SKIC8: variants seen among roughly 807,000 people sequenced by gnomAD.
The protein encoded by SKIC8 is SKI8 subunit of superkiller complex, also known as superkiller complex protein 8.
At chr15:78,295,731 G>A in the SKIC8 span, 1 of 1,519,918 alleles carries the variant, frequency 6.6e-7, no homozygotes, top group Non-Finnish European at 8.8e-7. Flanking sequence ...CAGCTCTGTG[G>A]AAACAACACC....
chr15:78,298,554 T>C, the SKIC8 span, among the ~76,000 whole-genome samples: 1 of 152,140 alleles, frequency 6.6e-6, no homozygotes, highest in Non-Finnish European at 1.5e-5. Context: ...TTCTATTTTA[T>C]TATTATTGTT....
At chr15:78,283,368 G>A in the SKIC8 span, 1 of 1,320,178 alleles carries the variant, frequency 7.6e-7, no homozygotes, top group Non-Finnish European at 1.1e-6. Context: ...AGCCTAAGAA[G>A]GTAAGGAATG....
chr15:78,292,705 G>A, the SKIC8 span: 2 of 1,614,130 alleles, frequency 1.2e-6, no homozygotes, highest in Non-Finnish European at 1.7e-6. Context: ...TGCAGCAATG[G>A]GCAGGGTGTG....
chr15:78,289,533 G>T, the SKIC8 span: 1 of 1,016,296 alleles, frequency 9.8e-7, no homozygotes, highest in Non-Finnish European at 1.5e-6. Flanking sequence ...ATGCCCATTT[G>T]CCATTTAATG....
chr15:78,290,049 CT>C, the SKIC8 span: 2 of 1,614,100 alleles, frequency 1.2e-6, no homozygotes, highest in Non-Finnish European at 1.7e-6. Flanking sequence ...ACATGAGTTC[CT>C]GTGGCCAGAT....
At chr15:78,293,242 C>G in the SKIC8 span, 1 of 1,614,080 alleles carries the variant, frequency 6.2e-7, no homozygotes, top group Non-Finnish European at 8.5e-7. Context: ...GTTTGTCCCC[C>G]AAGCAACTGA....
chr15:78,292,380 G>T, the SKIC8 span: 1 of 473,342 alleles, frequency 2.1e-6, no homozygotes, highest in Non-Finnish European at 3.8e-6. Flanking sequence ...GCTATTTATA[G>T]CCTTTATTTA....
chr15:78,292,689 G>A, the SKIC8 span: 2 of 1,614,202 alleles, frequency 1.2e-6, no homozygotes, highest in South Asian at 2.2e-5. Flanking sequence ...CATCAAGAGA[G>A]CTGGATGCAG....
the SKIC8 span, chr15:78,290,535 T>C: frequency 1.3e-5 from 2 of 154,280 alleles, no homozygotes; most frequent in African/African-American, 4.8e-5. Flanking sequence ...CTGGGGATTG[T>C]CTCTCTTCTC....
At chr15:78,297,898 G>A in the SKIC8 span, among the ~76,000 whole-genome samples, 25 of 152,304 alleles carry the variant, frequency 1.6e-4, no homozygotes, top group African/African-American at 5.8e-4. Flanking sequence ...CCTTGCCTAT[G>A]AAGATCTCAA....
the SKIC8 span, chr15:78,293,372 G>C: frequency 8.4e-7 from 1 of 1,185,820 alleles, no homozygotes; most frequent in Non-Finnish European, 1.2e-6. Context: ...ATTTGTATTT[G>C]CTTTACTATT....
the SKIC8 span, chr15:78,295,046 T>C: frequency 6.3e-7 from 1 of 1,576,394 alleles, no homozygotes; most frequent in Non-Finnish European, 8.7e-7. Context: ...CAGAAAGCAC[T>C]CCTCCCCGAG....
chr15:78,287,695 G>A, the SKIC8 span, among the ~76,000 whole-genome samples: 4 of 152,340 alleles, frequency 2.6e-5, no homozygotes, highest in Non-Finnish European at 1.5e-5. Flanking sequence ...GTGGGGAATA[G>A]GAGTCAGGAC....
At chr15:78,297,730 A>G in the SKIC8 span, among the ~76,000 whole-genome samples, 1 of 152,208 alleles carries the variant, frequency 6.6e-6, no homozygotes, top group Non-Finnish European at 1.5e-5. Flanking sequence ...CTCTCAGCCA[A>G]GTTCACGGCC....
At chr15:78,289,046 A>G in the SKIC8 span, 1 of 356,794 alleles carries the variant, frequency 2.8e-6, no homozygotes, top group Non-Finnish European at 5.4e-6. Flanking sequence ...ATTACGATAT[A>G]ATAAATAAAA....
the SKIC8 span, chr15:78,292,471 G>GT: frequency 3.6e-6 from 3 of 827,570 alleles, no homozygotes; most frequent in Non-Finnish European, 3.9e-6. Context: ...CCCACTGAGG[G>GT]TATTATGTGA....
chr15:78,297,860 TCAAA>T, the SKIC8 span, among the ~76,000 whole-genome samples: 25 of 152,312 alleles, frequency 1.6e-4, no homozygotes, highest in East Asian at 3.9e-4. Context: ...TAACAGGAAA[TCAAA>T]CAAACAAACA....
chr15:78,292,606 A>C, the SKIC8 span: 2 of 1,614,134 alleles, frequency 1.2e-6, no homozygotes, highest in South Asian at 2.2e-5. Context: ...CCTACAAGTA[A>C]AACTCTTACC....
At chr15:78,292,694 A>T in the SKIC8 span, 1 of 1,614,228 alleles carries the variant, frequency 6.2e-7, no homozygotes, top group Non-Finnish European at 8.5e-7. Context: ...AGAGAGCTGG[A>T]TGCAGCAATG....
Sources: allele counts gnomAD v4.1 joint callset (sites outside exome capture counted in the v4.1 genomes callset), GRCh38; gene constraint gnomAD v4.1.1; transcripts MANE v1.5; gene names NCBI Gene and HGNC (gene_info 2026-07-23, HGNC 2026-07-21).